CIMIP6: variants seen among roughly 807,000 people sequenced by gnomAD.
CIMIP6 encodes the protein ciliary microtubule inner protein 6.
At chr2:54,359,597 CAATAATAATAAT>C in the CIMIP6 span, among the ~76,000 whole-genome samples, 3 of 149,064 alleles carry the variant, frequency 2.0e-5, no homozygotes, top group Non-Finnish European at 3.0e-5. Flanking sequence ...TTTCTAATAA[CAATAATAATAAT>C]AATAATAATA....
chr2:54,353,048 C>T, the CIMIP6 span, among the ~76,000 whole-genome samples: 38 of 152,190 alleles, frequency 2.5e-4, 6 homozygotes, highest in Admixed American at 2.0e-3. Context: ...TTTTGCTTTA[C>T]GCAGTTCACT....
chr2:54,369,039 C>A, the CIMIP6 span, among the ~76,000 whole-genome samples: 1 of 152,106 alleles, frequency 6.6e-6, no homozygotes, highest in Non-Finnish European at 1.5e-5. Context: ...GGGGACCTCA[C>A]GCTTGAATTG....
the CIMIP6 span, among the ~76,000 whole-genome samples, chr2:54,331,940 G>A: frequency 4.0e-3 from 611 of 152,306 alleles, 1 homozygote; most frequent in Non-Finnish European, 6.7e-3. Flanking sequence ...ACCAGCCCCA[G>A]AGATTCTGAG....
the CIMIP6 span, among the ~76,000 whole-genome samples, chr2:54,355,807 G>C: frequency 6.6e-6 from 1 of 151,762 alleles, no homozygotes; most frequent in South Asian, 2.1e-4. Context: ...ACAATACTTT[G>C]TTCTGTATCT....
At chr2:54,377,014 C>G in the CIMIP6 span, among the ~76,000 whole-genome samples, 1 of 152,200 alleles carries the variant, frequency 6.6e-6, no homozygotes, top group Non-Finnish European at 1.5e-5. Flanking sequence ...CTCACCTTAG[C>G]AGTCCGTTTT....
the CIMIP6 span, among the ~76,000 whole-genome samples, chr2:54,341,963 T>C: frequency 2.0e-5 from 3 of 152,190 alleles, no homozygotes; most frequent in African/African-American, 4.8e-5. Context: ...TTTCCTAGGA[T>C]CTACATCAAG....
the CIMIP6 span, among the ~76,000 whole-genome samples, chr2:54,375,553 T>A: frequency 6.6e-6 from 1 of 152,224 alleles, no homozygotes; most frequent in African/African-American, 2.4e-5. Context: ...TGACAAAAGT[T>A]ATCAAAATTG....
At chr2:54,336,276 T>A in the CIMIP6 span, among the ~76,000 whole-genome samples, 1 of 152,192 alleles carries the variant, frequency 6.6e-6, no homozygotes, top group South Asian at 2.1e-4. Flanking sequence ...TCCCTTCCTC[T>A]ACTCCAACAG....
the CIMIP6 span, among the ~76,000 whole-genome samples, chr2:54,371,489 T>C: frequency 6.6e-6 from 1 of 152,300 alleles, no homozygotes; most frequent in East Asian, 1.9e-4. Flanking sequence ...ATTGATGAGT[T>C]TGGTCCTCAG....
chr2:54,379,716 C>T, the CIMIP6 span, among the ~76,000 whole-genome samples: 2 of 151,900 alleles, frequency 1.3e-5, no homozygotes, highest in African/African-American at 4.8e-5. Context: ...GTGACTCATG[C>T]CTATAATCCC....
the CIMIP6 span, among the ~76,000 whole-genome samples, chr2:54,333,211 TAAAC>T: frequency 6.6e-6 from 1 of 152,090 alleles, no homozygotes; most frequent in Non-Finnish European, 1.5e-5. Context: ...TAAAAACAAG[TAAAC>T]AAAAAACTAG....
the CIMIP6 span, chr2:54,381,884 G>A: frequency 3.2e-6 from 5 of 1,550,166 alleles, no homozygotes; most frequent in Non-Finnish European, 4.4e-6. Flanking sequence ...TGTAACAGTG[G>A]TCCTGTGCCA....
At chr2:54,360,241 C>G in the CIMIP6 span, 170,947 of 1,605,456 alleles carry the variant, frequency 0.11, 9,772 homozygotes, top group African/African-American at 0.2. Flanking sequence ...TAAAACCAGG[C>G]AGTAGGCCAA....
chr2:54,383,986 C>A, the CIMIP6 span, among the ~76,000 whole-genome samples: 1 of 152,122 alleles, frequency 6.6e-6, no homozygotes, highest in African/African-American at 2.4e-5. Context: ...CAGGTGCAAC[C>A]CCTCCATCTT....
chr2:54,382,098 G>T, the CIMIP6 span: 1 of 1,284,266 alleles, frequency 7.8e-7, no homozygotes, highest in Non-Finnish European at 1.0e-6. Flanking sequence ...TGATTACAAA[G>T]CACAAATTTC....
the CIMIP6 span, among the ~76,000 whole-genome samples, chr2:54,342,152 G>A: frequency 6.6e-6 from 1 of 152,090 alleles, no homozygotes; most frequent in Non-Finnish European, 1.5e-5. Context: ...CTAAAAACTG[G>A]CACTCTTATA....
the CIMIP6 span, chr2:54,383,150 C>G: frequency 6.6e-6 from 1 of 152,316 alleles, no homozygotes; most frequent in Non-Finnish European, 1.5e-5. Context: ...CTCCCACCAA[C>G]AGCCAGCAAA....
the CIMIP6 span, among the ~76,000 whole-genome samples, chr2:54,382,423 C>T: frequency 6.6e-6 from 1 of 152,108 alleles, no homozygotes; most frequent in African/African-American, 2.4e-5. Flanking sequence ...CGAAAGATTC[C>T]ATTTTTACAG....
the CIMIP6 span, among the ~76,000 whole-genome samples, chr2:54,368,530 G>C: frequency 6.6e-6 from 1 of 152,196 alleles, no homozygotes; most frequent in Non-Finnish European, 1.5e-5. Flanking sequence ...TGGATCCTGT[G>C]AGGTAACTTC....
Sources: allele counts gnomAD v4.1 joint callset (sites outside exome capture counted in the v4.1 genomes callset), GRCh38; gene constraint gnomAD v4.1.1; transcripts MANE v1.5; gene names NCBI Gene and HGNC (gene_info 2026-07-23, HGNC 2026-07-21).